TENM3: variants seen among roughly 807,000 people sequenced by gnomAD.
TENM3 encodes the protein teneurin transmembrane protein 3, also known as teneurin-3.
A neutral mutation model predicts 255.1 loss-of-function variants in TENM3; 63 were observed. That is an observed-to-expected ratio of 0.25 (90% CI 0.20 to 0.30). The LOEUF (loss-of-function observed/expected upper bound fraction) is 0.30, where lower values mean the gene tolerates loss of function less well. Ranked by LOEUF, TENM3 falls within the 10% of genes least tolerant of loss-of-function variation. TENM3 has a pLI of 1.00. For missense variants in TENM3, 2,929 were observed against 3,461.1 expected (o/e 0.85, Z 3.86); for synonymous variants, 1,306 against 1,322.3 (o/e 0.99, Z 0.27).
intron 3 of TENM3, among the ~76,000 whole-genome samples, chr4:182,440,296 T>A (rs900109096): frequency 1.3e-5 from 2 of 151,992 alleles, no homozygotes; most frequent in African/African-American, 4.8e-5. Flanking sequence ...GTATTTTTAG[T>A]AGAGACGGGG....
chr4:182,777,547 C>CTTTTTTTTTTTTTTTTTTT (rs1157448732), intron 24 of TENM3, among the ~76,000 whole-genome samples: 1 of 45,440 alleles, frequency 2.2e-5, no homozygotes. Flanking sequence ...GTGTGTATTT[C>CTTTTTTTTTTTTTTTTTTT]TTTTTTTTTT....
the TENM3 span, among the ~76,000 whole-genome samples, chr4:181,866,931 A>G: frequency 6.6e-6 from 1 of 151,366 alleles, no homozygotes; most frequent in African/African-American, 2.4e-5. Context: ...ATCTAACCTC[A>G]TTGCCTTAAT....
intron 5 of TENM3, among the ~76,000 whole-genome samples, chr4:182,653,258 A>G (rs1428067460): frequency 6.6e-6 from 1 of 152,204 alleles, no homozygotes; most frequent in Non-Finnish European, 1.5e-5. Context: ...TAGAATATTC[A>G]AATTTGATTA....
chr4:181,567,334 T>C, the TENM3 span, among the ~76,000 whole-genome samples: 1 of 152,226 alleles, frequency 6.6e-6, no homozygotes, highest in South Asian at 2.1e-4. Flanking sequence ...AATATTTGCA[T>C]ATATTCTGTT....
chr4:182,085,760 A>G, the TENM3 span, among the ~76,000 whole-genome samples: 1 of 152,220 alleles, frequency 6.6e-6, no homozygotes, highest in Non-Finnish European at 1.5e-5. Flanking sequence ...AATGAAAAAC[A>G]TATATTATCT....
chr4:181,567,811 T>G, the TENM3 span, among the ~76,000 whole-genome samples: 1 of 152,178 alleles, frequency 6.6e-6, no homozygotes, highest in Admixed American at 6.5e-5. Flanking sequence ...AGATAAATAC[T>G]ATTACTGCTT....
At chr4:182,780,207 T>TAATC (rs1410806457) in intron 24 of TENM3, among the ~76,000 whole-genome samples, 1 of 151,578 alleles carries the variant, frequency 6.6e-6, no homozygotes, top group African/African-American at 2.4e-5. Flanking sequence ...TTTAAGTCTT[T>TAATC]AATCCATCTT....
At position 182,270,437 on chromosome 4, in the gene TENM3, T is replaced by A. The variant is rs181942690; in HGVS notation, c.-76+26961T>A. 2.0e-5 allele frequency among the ~76,000 whole-genome samples: 3 copies of A among 152,318 alleles called. No homozygotes were observed. The East Asian group carries it at 5.8e-4, about 29-fold the overall frequency. On this transcript the variant is annotated intron_variant, in intron 1 of 27. Coordinates refer to ENST00000511685, the MANE Select transcript of TENM3 (RefSeq NM_001080477.4). ...GTATCTTATTGCTACACAAAGAATC[T>A]TGTTTCATTAGTCTTATGATTTCTA...
At chr4:181,657,463 A>G in the TENM3 span, among the ~76,000 whole-genome samples, 274 of 152,304 alleles carry the variant, frequency 1.8e-3, 8 homozygotes, top group South Asian at 0.055. Context: ...CAAAACCCCA[A>G]TAAGATACCG....
Position 182,793,486 on chromosome 4 carries a change from T to G in TENM3, c.6814T>G (p.Ser2272Ala). The change falls in exon 26 of 28, where the codon TCC becomes GCC. Residue 2272 changes from serine to alanine, a missense_variant. Physicochemically the swap from Ser to Ala is moderately conservative, Grantham distance 99. Transcript: ENST00000511685. This position sits in a 1 kb window ranked among gnomAD's most constrained non-coding sequence, Gnocchi z 5.7. ...CAACCATTCGAGTTCAGAAATTACC[T>G]CCCTGTATTATGATCTCCAAGGACA... ...VYNHSSSEIT[S>A]LYYDLQGHLF... 1.2e-6 allele frequency: 2 copies of G among 1,613,914 alleles called. No homozygotes were observed. Among genetic ancestry groups the G allele is most frequent in the Admixed American group, 1.7e-5 (1 of 59,994 alleles).
At chr4:182,431,066 A>C (rs1052000586) in intron 3 of TENM3, among the ~76,000 whole-genome samples, 3 of 151,780 alleles carry the variant, frequency 2.0e-5, no homozygotes, top group Non-Finnish European at 4.4e-5. Flanking sequence ...CAAATAAATA[A>C]CTGACTTTGG....
the TENM3 span, among the ~76,000 whole-genome samples, chr4:181,718,989 G>A: frequency 6.6e-6 from 1 of 151,890 alleles, no homozygotes; most frequent in East Asian, 1.9e-4. Context: ...GGTGGATCAT[G>A]AGGTCAGGAG....
At chr4:181,598,332 C>T in the TENM3 span, among the ~76,000 whole-genome samples, 7 of 152,140 alleles carry the variant, frequency 4.6e-5, no homozygotes, top group South Asian at 1.2e-3. Context: ...TCCTGAACTA[C>T]GTGTACTACA....
chr4:182,558,389 A>G (rs1012697831), intron 3 of TENM3, among the ~76,000 whole-genome samples: 5 of 152,188 alleles, frequency 3.3e-5, no homozygotes, highest in Non-Finnish European at 5.9e-5. Context: ...ATGGCATGGT[A>G]GGAGCATCAG....
At chr4:181,635,836 C>T in the TENM3 span, among the ~76,000 whole-genome samples, 162 of 152,296 alleles carry the variant, frequency 1.1e-3, 3 homozygotes, top group South Asian at 6.0e-3. Context: ...GGAGACGGGG[C>T]TTCCTCACAT....
At chr4:181,780,827 G>A in the TENM3 span, among the ~76,000 whole-genome samples, 11 of 152,160 alleles carry the variant, frequency 7.2e-5, no homozygotes, top group Non-Finnish European at 1.6e-4. Context: ...TCCAGTTGCA[G>A]CTTTCTCCAT....
chr4:181,931,147 T>C, the TENM3 span, among the ~76,000 whole-genome samples: 2 of 152,290 alleles, frequency 1.3e-5, no homozygotes, highest in South Asian at 4.1e-4. Context: ...TTCAACATAG[T>C]ATTGGAAGTT....
At chr4:181,650,199 G>A in the TENM3 span, among the ~76,000 whole-genome samples, 6 of 152,114 alleles carry the variant, frequency 3.9e-5, no homozygotes, top group South Asian at 6.2e-4. Context: ...TTTCTGAAAC[G>A]GATTTACTAA....
the TENM3 span, among the ~76,000 whole-genome samples, chr4:181,601,311 C>T: frequency 6.6e-6 from 1 of 152,188 alleles, no homozygotes; most frequent in African/African-American, 2.4e-5. Context: ...TGTTCGTTTG[C>T]TATGGTTGCC....
Sources: allele counts gnomAD v4.1 joint callset (sites outside exome capture counted in the v4.1 genomes callset), GRCh38; gene constraint gnomAD v4.1.1; non-coding constraint Gnocchi (gnomAD v3.1); transcripts MANE v1.5; gene names NCBI Gene and HGNC (gene_info 2026-07-23, HGNC 2026-07-21).